The following SOBP variants were observed in gnomAD, a reference collection of about 807,000 sequenced individuals.
SOBP encodes sine oculis binding protein homolog.
Under a neutral mutation model 53.6 loss-of-function variants are expected in SOBP, and 4 were observed. The observed-to-expected ratio is 0.07, with a 90% CI of 0.04 to 0.17. SOBP has a LOEUF of 0.17. Among genes scored for constraint, SOBP ranks in the 10% least tolerant of loss-of-function variants. The probability of loss-of-function intolerance (pLI) is 1.00; values close to 1 mark genes in which losing one functional copy is unlikely to be tolerated. For synonymous variants in SOBP, 584 were observed against 522.6 expected (o/e 1.12, Z -1.60); for missense variants, 1,088 against 1,204.7 (o/e 0.90, Z 1.43).
chr6:107,618,427 C>T (rs1786877506), intron 5 of SOBP, among the ~76,000 whole-genome samples: 1 of 152,164 alleles, frequency 6.6e-6, no homozygotes, highest in Non-Finnish European at 1.5e-5. Flanking sequence ...ATATGTGTCA[C>T]TTACTCTGGA....
Position 107,633,527 on chromosome 6 carries a change from G to GT in SOBP, c.684dup (p.Lys229Ter). 1 of 1,614,234 alleles carries GT rather than the reference G, an allele frequency of 6.2e-7. No individual in the cohort carries two copies. Among genetic ancestry groups the GT allele is most frequent in the Non-Finnish European group, 8.5e-7 (1 of 1,180,048 alleles). ...ACTGTGTTGTAGGTATGTGACTGGT[G>GT]TAAGCACATAAGACACACAAAAGAA... On this transcript the variant is annotated frameshift_variant, in exon 6 of 7. Transcript: ENST00000317357. LOFTEE classifies it high-confidence loss of function.
At chr6:107,530,379 TTTTGAC>T (rs1783786464) in intron 3 of SOBP, among the ~76,000 whole-genome samples, 1 of 152,172 alleles carries the variant, frequency 6.6e-6, no homozygotes, top group Admixed American at 6.6e-5. Flanking sequence ...GGACTGATCC[TTTTGAC>T]TTTAACCACT....
At chr6:107,563,374 C>A (rs1784825037) in intron 4 of SOBP, among the ~76,000 whole-genome samples, 1 of 152,114 alleles carries the variant, frequency 6.6e-6, no homozygotes, top group Non-Finnish European at 1.5e-5. Flanking sequence ...AAATTTATAT[C>A]ATTTGATTAA....
chr6:107,574,300 C>T (rs1785161729), intron 4 of SOBP, among the ~76,000 whole-genome samples: 1 of 152,144 alleles, frequency 6.6e-6, no homozygotes, highest in South Asian at 2.1e-4. Context: ...ATGAAATGAT[C>T]ATTCTTATTC....
At chr6:107,544,703 T>C (rs562845254) in intron 4 of SOBP, among the ~76,000 whole-genome samples, 6 of 152,350 alleles carry the variant, frequency 3.9e-5, no homozygotes, top group African/African-American at 1.4e-4. Flanking sequence ...TTTGCTAATT[T>C]CATGTTCTTT....
intron 3 of SOBP, among the ~76,000 whole-genome samples, chr6:107,518,341 C>T (rs59140650): frequency 0.011 from 1,637 of 152,126 alleles, 38 homozygotes; most frequent in African/African-American, 0.038. Flanking sequence ...ATTGACAATA[C>T]CAAGTTTGAG....
At chr6:107,644,430 ATTCTT>A (rs1438887156) in intron 6 of SOBP, among the ~76,000 whole-genome samples, 1 of 152,210 alleles carries the variant, frequency 6.6e-6, no homozygotes, top group Non-Finnish European at 1.5e-5. Flanking sequence ...GTTGGATTGA[ATTCTT>A]TACTATTTGC....
intron 6 of SOBP, among the ~76,000 whole-genome samples, chr6:107,645,211 T>C (rs1003327723): frequency 2.0e-5 from 3 of 152,162 alleles, no homozygotes; most frequent in Non-Finnish European, 2.9e-5. Flanking sequence ...TAAAATCCTA[T>C]TTTTGGATTT....
intron 1 of SOBP, among the ~76,000 whole-genome samples, chr6:107,501,819 G>A (rs1463344874): frequency 1.3e-5 from 2 of 152,108 alleles, no homozygotes; most frequent in Admixed American, 1.3e-4. Flanking sequence ...TCCTAAAGTT[G>A]CTGAGCTTAT....
chr6:107,641,454 ATCT>A (rs1562122666), intron 6 of SOBP, among the ~76,000 whole-genome samples: 1 of 152,220 alleles, frequency 6.6e-6, no homozygotes. Flanking sequence ...CTGTGGAAAG[ATCT>A]TCTACTCTGC....
At chr6:107,582,371 G>A (rs1250306987) in intron 4 of SOBP, among the ~76,000 whole-genome samples, 1 of 152,148 alleles carries the variant, frequency 6.6e-6, no homozygotes, top group African/African-American at 2.4e-5. Flanking sequence ...GGGAAAGAGA[G>A]GTGAATACAA....
chr6:107,490,268 G>C lies in SOBP; in HGVS notation c.-349G>C, dbSNP rs1583131446. 6.8e-6 allele frequency: 1 copy of C among 147,042 alleles called. No homozygotes were observed. Among genetic ancestry groups the C allele is most frequent in the African/African-American group, 2.5e-5 (1 of 40,314 alleles). 9.1% of individuals were successfully genotyped at this position (147,042 alleles called of 1,614,324 possible). A position where few individuals can be genotyped will look rare whatever the true frequency, so the allele number is the denominator to read the frequency against. On this transcript the variant is annotated 5_prime_UTR_variant, in exon 1 of 7. Transcript: ENST00000317357. ...GAGGATGCGGCCCGGCGGCGGCGGC[G>C]GCGGGAGCGGCAGCGGCAGCGAGGG...
intron 4 of SOBP, among the ~76,000 whole-genome samples, chr6:107,551,473 C>T (rs1403183476): frequency 6.6e-6 from 1 of 152,088 alleles, no homozygotes; most frequent in Non-Finnish European, 1.5e-5. Flanking sequence ...TTGATGATGG[C>T]GTTTTCTTGA....
chr6:107,543,704 C>A (rs1784216475), intron 4 of SOBP, among the ~76,000 whole-genome samples: 1 of 152,194 alleles, frequency 6.6e-6, no homozygotes, highest in Non-Finnish European at 1.5e-5. Flanking sequence ...GAATTCTTTA[C>A]ACGATGGATG....
intron 6 of SOBP, among the ~76,000 whole-genome samples, chr6:107,643,573 T>C (rs9373958): frequency 0.23 from 35,373 of 151,910 alleles, 5,488 homozygotes; most frequent in African/African-American, 0.42. Flanking sequence ...CGCACCACCA[T>C]GTCCAGCTAA....
rs1426397124 is a variant in SOBP at position 107,660,597 on chromosome 6, A to C, written c.*2394A>C. Among the ~76,000 whole-genome samples, 1 of 152,152 alleles carries C rather than the reference A, an allele frequency of 6.6e-6. No homozygotes were observed. The highest frequency in any genetic ancestry group is 2.4e-5 in the African/African-American group (1 of 41,430). On this transcript the variant is annotated 3_prime_UTR_variant, in exon 7 of 7. Transcript: ENST00000317357. ...CCATCTCACCCCACTGACTAGAGAG[A>C]CTTTTATTTCAGCCTTATGTGAATG... is the stretch of plus-strand genomic sequence containing the variant.
At position 107,652,040 on chromosome 6, in the gene SOBP, A is replaced by G. The variant is rs77876908; in HGVS notation, c.*4-6167A>G. On this transcript the variant is annotated intron_variant, in intron 6 of 6. Transcript: ENST00000317357. ...AGAGCTCTGATGGAGCGGTACAAAGAAATTAATTGTTTTCATGCCTGCTAA... is the reference window on the plus strand; with the variant it reads ...AGAGCTCTGATGGAGCGGTACAAAGGAATTAATTGTTTTCATGCCTGCTAA... Among the ~76,000 whole-genome samples the G allele has an allele frequency of 1.9e-3, 292 of 152,332 alleles. 1 individual carries two copies. The highest frequency in any genetic ancestry group is 6.7e-3 in the African/African-American group (278 of 41,570).
At chr6:107,652,552 G>A (rs954357132) in intron 6 of SOBP, among the ~76,000 whole-genome samples, 3 of 152,178 alleles carry the variant, frequency 2.0e-5, no homozygotes, top group Non-Finnish European at 4.4e-5. Flanking sequence ...TTACAACAAA[G>A]GATTTAGACT....
At chr6:107,655,717 T>A (rs933570144) in intron 6 of SOBP, among the ~76,000 whole-genome samples, 3 of 152,196 alleles carry the variant, frequency 2.0e-5, no homozygotes, top group African/African-American at 7.2e-5. Flanking sequence ...AATGCTGTAG[T>A]TAAGGTTCCA....
Sources: allele counts gnomAD v4.1 joint callset (sites outside exome capture counted in the v4.1 genomes callset), GRCh38; gene constraint gnomAD v4.1.1; transcripts MANE v1.5; gene names NCBI Gene and HGNC (gene_info 2026-07-23, HGNC 2026-07-21).